The following POU2F1 variants were observed in gnomAD, a reference collection of about 807,000 sequenced individuals.
POU2F1 encodes the protein POU domain, class 2, transcription factor 1.
POU2F1 carries 16 observed loss-of-function variants against 84.9 expected under a neutral mutation model. The observed-to-expected ratio is 0.19, with a 90% confidence interval of 0.13 to 0.29. POU2F1 has a LOEUF of 0.29. Ranked by LOEUF, POU2F1 falls within the 10% of genes least tolerant of loss-of-function variation. POU2F1 has a pLI of 1.00. For synonymous variants in POU2F1, 368 were observed against 368.3 expected (o/e 1.00, Z 0.01); for missense variants, 738 against 942.6 (o/e 0.78, Z 2.84).
At chr1:167,338,576 A>G (rs772355490) in intron 2 of POU2F1, among the ~76,000 whole-genome samples, 7 of 152,222 alleles carry the variant, frequency 4.6e-5, no homozygotes, top group South Asian at 2.1e-4. Flanking sequence ...ATAGTATACT[A>G]TCACCAAAAA....
chr1:167,237,746 G>GTATATATATATATATATA (rs58988722), intron 1 of POU2F1, among the ~76,000 whole-genome samples: 5 of 72,994 alleles, frequency 6.8e-5, no homozygotes, highest in African/African-American at 2.7e-4. Flanking sequence ...ATGTGTGTGT[G>GTATATATATATATATATA]TATATATATA....
intron 7 of POU2F1, chr1:167,379,732 T>G (rs1647380687): frequency 6.6e-6 from 1 of 152,188 alleles, no homozygotes; most frequent in Non-Finnish European, 1.5e-5. Flanking sequence ...TGCCAAAGCC[T>G]TAAGATAGAA....
At chr1:167,223,997 C>T (rs1303710097) in intron 1 of POU2F1, among the ~76,000 whole-genome samples, 1 of 152,102 alleles carries the variant, frequency 6.6e-6, no homozygotes, top group Admixed American at 6.6e-5. Flanking sequence ...GGTCAATTTC[C>T]TTTATAGCTG....
intron 2 of POU2F1, among the ~76,000 whole-genome samples, chr1:167,336,846 T>TG (rs377037026): frequency 1.6e-3 from 236 of 152,050 alleles, no homozygotes; most frequent in African/African-American, 5.4e-3. Context: ...ATGGGCAACA[T>TG]GGTGAAACCC....
intron 1 of POU2F1, among the ~76,000 whole-genome samples, chr1:167,283,646 G>A (rs1373076982): frequency 6.6e-6 from 1 of 152,208 alleles, no homozygotes; most frequent in Non-Finnish European, 1.5e-5. Context: ...CACTTTGTGG[G>A]TAGGAATGTT....
At chr1:167,314,741 T>C (rs768714331) in intron 1 of POU2F1, among the ~76,000 whole-genome samples, 1 of 152,130 alleles carries the variant, frequency 6.6e-6, no homozygotes, top group Non-Finnish European at 1.5e-5. Flanking sequence ...ACCACTGAAC[T>C]CCAGCCTGGG....
intron 1 of POU2F1, among the ~76,000 whole-genome samples, chr1:167,263,151 G>C (rs2102441310): frequency 6.6e-6 from 1 of 152,228 alleles, no homozygotes; most frequent in South Asian, 2.1e-4. Flanking sequence ...GCTTAGTGTA[G>C]CTATCAAATA....
intron 1 of POU2F1, among the ~76,000 whole-genome samples, chr1:167,287,167 G>GA (rs747117838): frequency 3.3e-5 from 5 of 152,198 alleles, no homozygotes; most frequent in Non-Finnish European, 7.3e-5. Context: ...GTATACTGAT[G>GA]AAGGCTTGTC....
chr1:167,315,965 A>G (rs923296839), intron 1 of POU2F1, among the ~76,000 whole-genome samples: 30 of 152,248 alleles, frequency 2.0e-4, no homozygotes, highest in Admixed American at 1.2e-3. Flanking sequence ...AAAAATGCCA[A>G]TCTCAAATGG....
chr1:167,297,636 A>T (rs1654375359), intron 1 of POU2F1, among the ~76,000 whole-genome samples: 1 of 152,180 alleles, frequency 6.6e-6, no homozygotes, highest in Non-Finnish European at 1.5e-5. Flanking sequence ...GGGGGATGGG[A>T]TTAATCATTC....
intron 2 of POU2F1, among the ~76,000 whole-genome samples, chr1:167,337,815 A>T (rs868113224): frequency 1.3e-5 from 2 of 152,188 alleles, no homozygotes; most frequent in Admixed American, 6.5e-5. Context: ...GCCACAAAGG[A>T]CATTGATTAG....
At chr1:167,364,715 C>T (rs1659569208) in intron 2 of POU2F1, among the ~76,000 whole-genome samples, 1 of 150,952 alleles carries the variant, frequency 6.6e-6, no homozygotes, top group Admixed American at 6.6e-5. Flanking sequence ...GCTGGGACTT[C>T]AGGCGCACAC....
intron 13 of POU2F1, among the ~76,000 whole-genome samples, chr1:167,411,421 C>T (rs144248481): frequency 1.3e-3 from 191 of 151,470 alleles, no homozygotes; most frequent in Admixed American, 2.2e-3. Context: ...TTTTTTACCA[C>T]AATGGACTTT....
chr1:167,324,807 T>C (rs1412284653), intron 1 of POU2F1, among the ~76,000 whole-genome samples: 1 of 152,232 alleles, frequency 6.6e-6, no homozygotes, highest in Non-Finnish European at 1.5e-5. Context: ...AAAGTACATG[T>C]CTTTCATGGT....
Position 167,329,470 on chromosome 1 carries a change from C to G in POU2F1, c.62-3000C>G, listed in dbSNP as rs539942315. Among the ~76,000 whole-genome samples, 6 of 152,284 alleles carry G rather than the reference C, an allele frequency of 3.9e-5. No individual in the cohort carries two copies. The East Asian group carries it at 1.2e-3, about 29-fold the overall frequency. The stretch of plus-strand genomic sequence containing the variant: ...AAAGCATTTGCAAAGCACAAGCTTA[C>G]TTGAATTTGCAGTAGGTCCCTCCCT... On this transcript the variant is annotated intron_variant, in intron 1 of 15. Transcript: ENST00000367866.
chr1:167,244,480 G>A (rs142211941), intron 1 of POU2F1, among the ~76,000 whole-genome samples: 57 of 152,346 alleles, frequency 3.7e-4, no homozygotes, highest in African/African-American at 1.3e-3. Flanking sequence ...CATGAGAAGA[G>A]CCAGATAGTG....
intron 2 of POU2F1, among the ~76,000 whole-genome samples, chr1:167,356,356 T>C (rs1466246851): frequency 6.6e-6 from 1 of 152,010 alleles, no homozygotes; most frequent in East Asian, 1.9e-4. Context: ...AACTCTCTTA[T>C]TCTAATAATA....
At chr1:167,328,733 G>A (rs546279768) in intron 1 of POU2F1, among the ~76,000 whole-genome samples, 13 of 152,204 alleles carry the variant, frequency 8.5e-5, no homozygotes, top group African/African-American at 3.1e-4. Flanking sequence ...TGGCACTCAG[G>A]AGATAATTTT....
At chr1:167,347,412 A>G (rs1658272448) in intron 2 of POU2F1, among the ~76,000 whole-genome samples, 1 of 152,202 alleles carries the variant, frequency 6.6e-6, no homozygotes, top group Non-Finnish European at 1.5e-5. Flanking sequence ...GCATTTCATA[A>G]CAGATCATAA....
Sources: allele counts gnomAD v4.1 joint callset (sites outside exome capture counted in the v4.1 genomes callset), GRCh38; gene constraint gnomAD v4.1.1; transcripts MANE v1.5; gene names NCBI Gene and HGNC (gene_info 2026-07-23, HGNC 2026-07-21).